The following FXN variants were observed in gnomAD, a reference collection of about 807,000 sequenced individuals.
FXN encodes the protein frataxin, mitochondrial.
A neutral mutation model predicts 22.4 loss-of-function variants in FXN; 14 were observed. That is an observed-to-expected ratio of 0.62 (90% CI 0.41 to 0.98). FXN has a LOEUF of 0.98. Ranked by LOEUF, FXN falls within the 50% of genes least tolerant of loss-of-function variation. The pLI is 0.00. For missense variants in FXN, 267 were observed against 268.4 expected, an observed-to-expected ratio of 0.99 and a Z score of 0.04; for synonymous variants, 120 against 114.1, an observed-to-expected ratio of 1.05 and a Z score of -0.33.
chr9:69,054,949 C>T lies in FXN; in HGVS notation c.384+1689C>T, dbSNP rs1048726316. ...ATAGAAATAGTATTGGAAATTGCAG[C>T]GGGAGCACTGAATGGAGAAGGCACT... On this transcript the variant is annotated intron_variant, in intron 3 of 4. Coordinates refer to ENST00000484259, the MANE Select transcript of FXN (RefSeq NM_000144.5). 4.6e-5 allele frequency among the ~76,000 whole-genome samples: 7 copies of T among 152,112 alleles called. No individual in the cohort carries two copies. In the South Asian group the frequency reaches 6.2e-4, roughly 14 times the overall value.
rs1832362701 is a variant in FXN, at chr9:69,076,130, A to G, written c.*3368A>G. ...ACAAAGAAGGAATGAGGTGTGTAAA[A>G]GAGAACCTGGGTTTTTGAATCACAA... is the stretch of plus-strand genomic sequence containing the variant. On this transcript the variant is annotated 3_prime_UTR_variant, in exon 5 of 5. Transcript: ENST00000484259. 1.1e-5 allele frequency: 11 copies of G among 985,266 alleles called. No homozygotes were observed. Among genetic ancestry groups the G allele is most frequent in the Non-Finnish European group, 1.3e-5 (11 of 829,776 alleles). 61.0% of individuals were successfully genotyped at this position (985,266 alleles called of 1,614,324 possible). A position where few individuals can be genotyped will look rare whatever the true frequency, so the allele number is the denominator to read the frequency against.
chr9:69,065,271 A>AG (rs1832148889), intron 4 of FXN, among the ~76,000 whole-genome samples: 1 of 152,102 alleles, frequency 6.6e-6, no homozygotes, highest in Non-Finnish European at 1.5e-5. Flanking sequence ...AGCTGGGTGC[A>AG]GGCTTACACC....
chr9:69,067,604 A>C (rs1182345854), intron 4 of FXN, among the ~76,000 whole-genome samples: 1 of 152,118 alleles, frequency 6.6e-6, no homozygotes, highest in Non-Finnish European at 1.5e-5. Context: ...TCAATATCAA[A>C]GCCTCAAAAC....
chr9:69,078,277 C>G lies in FXN; in HGVS notation c.*5515C>G. The G allele has an allele frequency of 1.0e-6, 1 of 985,464 alleles. No individual in the cohort carries two copies. The highest frequency in any genetic ancestry group is 1.2e-6 in the Non-Finnish European group (1 of 829,954). 61.0% of individuals were successfully genotyped at this position (985,464 alleles called of 1,614,324 possible). Reference sequence around the variant, plus strand: ...TGACAGTTATGCAAACCGTCCAGAGCATAGCCACCTGATCCTGCTGGGATT... The same window carrying G: ...TGACAGTTATGCAAACCGTCCAGAGGATAGCCACCTGATCCTGCTGGGATT... On this transcript the variant is annotated 3_prime_UTR_variant, in exon 5 of 5. Transcript: ENST00000484259.
chr9:69,070,027 C>T (rs772969571), intron 4 of FXN, among the ~76,000 whole-genome samples: 3 of 152,024 alleles, frequency 2.0e-5, no homozygotes, highest in Admixed American at 6.6e-5. Flanking sequence ...TCAGGAGTTC[C>T]AGACCAGCCT....
intron 2 of FXN, 87 bp from the exon 3 acceptor site, chr9:69,053,053 G>T: frequency 3.2e-5 from 40 of 1,269,542 alleles, no homozygotes; most frequent in East Asian, 8.3e-5. Context: ...TCAATTTAAT[G>T]AATTTAAATA....
chr9:69,041,438 T>C (rs1373785977), intron 1 of FXN, among the ~76,000 whole-genome samples: 2 of 152,236 alleles, frequency 1.3e-5, no homozygotes, highest in African/African-American at 4.8e-5. Flanking sequence ...ATTTGGTTGA[T>C]TGCAGTGTTC....
At position 69,076,570 on chromosome 9, in the gene FXN, G is replaced by A; in HGVS notation, c.*3808G>A. On this transcript the variant is annotated 3_prime_UTR_variant, in exon 5 of 5. Transcript: ENST00000484259. ...ATTTGACAGTTTGCATTAAATTATAGGTTTACAATATGCTTTATCCAGCTA... is the reference window on the plus strand; with the variant it reads ...ATTTGACAGTTTGCATTAAATTATAAGTTTACAATATGCTTTATCCAGCTA... 1.0e-6 allele frequency: 1 copy of A among 985,328 alleles called. No homozygotes were observed. The highest frequency in any genetic ancestry group is 1.2e-6 in the Non-Finnish European group (1 of 829,914). 61.0% of individuals were successfully genotyped at this position (985,328 alleles called of 1,614,324 possible). A position where few individuals can be genotyped will look rare whatever the true frequency, so the allele number is the denominator to read the frequency against.
At chr9:69,039,854 A>G (rs1434736584) in intron 1 of FXN, among the ~76,000 whole-genome samples, 3 of 152,186 alleles carry the variant, frequency 2.0e-5, no homozygotes, top group Non-Finnish European at 2.9e-5. Context: ...TGAGAAGTCC[A>G]AAGTCAAGTC....
chr9:69,050,758 C>A (rs563526419), intron 2 of FXN, among the ~76,000 whole-genome samples: 4 of 151,258 alleles, frequency 2.6e-5, no homozygotes, highest in African/African-American at 9.7e-5. Flanking sequence ...TCTGAAAAGT[C>A]TAGTTGCTTC....
intron 1 of FXN, among the ~76,000 whole-genome samples, chr9:69,044,788 G>C (rs933970331): frequency 2.0e-5 from 3 of 152,130 alleles, no homozygotes; most frequent in African/African-American, 7.2e-5. Context: ...CAGAGCTGGT[G>C]GTAATCAACT....
rs549014811 is a variant in FXN at position 69,054,200 on chromosome 9, A to G, written c.384+940A>G. ...ATTTTAGTAAAGACGGGGTTTCACCATGTTGGTTAGGCTGGTCTCGATCTC... is the reference window on the plus strand; with the variant it reads ...ATTTTAGTAAAGACGGGGTTTCACCGTGTTGGTTAGGCTGGTCTCGATCTC... On this transcript the variant is annotated intron_variant, in intron 3 of 4. Coordinates refer to ENST00000484259, the MANE Select transcript of FXN (RefSeq NM_000144.5). 1.6e-3 allele frequency among the ~76,000 whole-genome samples: 247 copies of G among 152,178 alleles called. 2 individuals are homozygous for G. Among genetic ancestry groups the G allele is most frequent in the African/African-American group, 5.7e-3 (238 of 41,532 alleles).
intron 4 of FXN, among the ~76,000 whole-genome samples, chr9:69,066,539 C>G (rs1252273454): frequency 6.6e-6 from 1 of 152,136 alleles, no homozygotes; most frequent in Non-Finnish European, 1.5e-5. Context: ...ATTTTAACCT[C>G]TGTGGGCCAA....
chr9:69,040,145 A>G (rs377126891), intron 1 of FXN, among the ~76,000 whole-genome samples: 2 of 152,258 alleles, frequency 1.3e-5, no homozygotes, highest in East Asian at 3.9e-4. Context: ...AAACCATAGC[A>G]TGCTGTCTCT....
In FXN at chr9:69,073,231, G is replaced by T; in HGVS notation, c.*469G>T. On this transcript the variant is annotated 3_prime_UTR_variant, in exon 5 of 5. Transcript: ENST00000484259. ...AAGGGTAGCCTACAAATGTTTTCAGGCTTCTTTCAAAGTGTAAGCACTTCT... is the reference window on the plus strand; with the variant it reads ...AAGGGTAGCCTACAAATGTTTTCAGTCTTCTTTCAAAGTGTAAGCACTTCT... 2 of 1,031,924 alleles carry T rather than the reference G, an allele frequency of 1.9e-6. No homozygotes were observed. The highest frequency in any genetic ancestry group is 1.2e-6 in the Non-Finnish European group (1 of 858,318). The allele number at this position is 1,031,924 out of a possible 1,614,324, so 63.9% of individuals were successfully genotyped here. A position where few individuals can be genotyped will look rare whatever the true frequency, so the allele number is the denominator to read the frequency against.
intron 3 of FXN, among the ~76,000 whole-genome samples, chr9:69,060,520 AATG>A (rs959534720): frequency 2.6e-5 from 4 of 152,204 alleles, no homozygotes; most frequent in African/African-American, 7.2e-5. Context: ...TCTAAGGAAT[AATG>A]ATGATGATGA....
At chr9:69,065,773 T>A (rs956692248) in intron 4 of FXN, among the ~76,000 whole-genome samples, 27 of 152,210 alleles carry the variant, frequency 1.8e-4, no homozygotes, top group African/African-American at 6.3e-4. Context: ...ATTATTGCCC[T>A]GACTTTAAAA....
chr9:69,048,792 T>C (rs546600261), intron 2 of FXN, among the ~76,000 whole-genome samples: 17 of 152,200 alleles, frequency 1.1e-4, no homozygotes, highest in Non-Finnish European at 1.8e-4. Context: ...ATATGCTCAG[T>C]AGGCATACAG....
At chr9:69,058,382 C>T (rs1832002261) in intron 3 of FXN, among the ~76,000 whole-genome samples, 1 of 150,404 alleles carries the variant, frequency 6.6e-6, no homozygotes, top group African/African-American at 2.4e-5. Flanking sequence ...CCTGAAGTTA[C>T]CTCCAGGCTG....
Sources: allele counts gnomAD v4.1 joint callset (sites outside exome capture counted in the v4.1 genomes callset), GRCh38; gene constraint gnomAD v4.1.1; transcripts MANE v1.5; gene names NCBI Gene and HGNC (gene_info 2026-07-23, HGNC 2026-07-21).